Variants in SLC4A4 observed in about 807,000 individuals in gnomAD.
SLC4A4 encodes electrogenic sodium bicarbonate cotransporter 1.
In SLC4A4, 27 loss-of-function variants were observed where a neutral mutation model predicts 111.5. The observed-to-expected ratio is 0.24, with a 90% confidence interval of 0.18 to 0.33. SLC4A4 has a LOEUF of 0.33. Among genes scored for constraint, SLC4A4 ranks in the 10% least tolerant of loss-of-function variants. SLC4A4 has a pLI of 1.00. For missense variants in SLC4A4, 909 were observed against 1,315.5 expected (o/e 0.69, Z 4.78); for synonymous variants, 443 against 463.4 (o/e 0.96, Z 0.57).
At chr4:71,220,575 T>C (rs1403870897) in intron 1 of SLC4A4, among the ~76,000 whole-genome samples, 1 of 152,182 alleles carries the variant, frequency 6.6e-6, no homozygotes. Flanking sequence ...GCTTTCTTGA[T>C]TGTCTCAAAA....
At chr4:71,437,646 C>A in intron 7 of SLC4A4, 1 of 506,620 alleles carries the variant, frequency 2.0e-6, no homozygotes. Context: ...GTTTATCACC[C>A]AAACCTTTTA....
chr4:71,242,638 T>C (rs1445628646), intron 2 of SLC4A4, among the ~76,000 whole-genome samples: 2 of 152,068 alleles, frequency 1.3e-5, no homozygotes, highest in African/African-American at 2.4e-5. Flanking sequence ...TTCTTTCTGA[T>C]GGATACAGCC....
chr4:71,083,604 A>G (rs1742055736), intron 1 of SLC4A4, among the ~76,000 whole-genome samples: 1 of 151,986 alleles, frequency 6.6e-6, no homozygotes, highest in Non-Finnish European at 1.5e-5. Context: ...CAGACTCCAA[A>G]GTTATGAGCC....
At chr4:71,428,930 T>C (rs1723393377) in intron 7 of SLC4A4, among the ~76,000 whole-genome samples, 1 of 152,102 alleles carries the variant, frequency 6.6e-6, no homozygotes, top group African/African-American at 2.4e-5. Context: ...TTGAAGAGCC[T>C]ACAGGATAAC....
intron 3 of SLC4A4, among the ~76,000 whole-genome samples, chr4:71,307,095 T>C (rs527836966): frequency 6.6e-6 from 1 of 152,350 alleles, no homozygotes; most frequent in South Asian, 2.1e-4. Flanking sequence ...AGTTGTAAAC[T>C]GTTTCAGTAA....
intron 13 of SLC4A4, among the ~76,000 whole-genome samples, chr4:71,469,564 TTTC>T (rs1428921247): frequency 6.6e-6 from 1 of 151,978 alleles, no homozygotes; most frequent in Non-Finnish European, 1.5e-5. Flanking sequence ...TTCACCATAA[TTTC>T]TTCTTTGATC....
At chr4:71,107,870 AT>A (rs35494283) in intron 2 of SLC4A4, among the ~76,000 whole-genome samples, 133,397 of 151,964 alleles carry the variant, frequency 0.88, 60,182 homozygotes, top group South Asian at 0.98. Flanking sequence ...ACCATGTCTA[AT>A]TTTTAATTTT....
rs151178899 is a variant in SLC4A4, at chr4:71,569,903, G to T, written c.*2152G>T. 4.6e-3 allele frequency: 694 copies of T among 151,718 alleles called. 7 individuals carry two copies. The highest frequency in any genetic ancestry group is 0.016 in the African/African-American group (653 of 41,452). The allele number at this position is 151,718 out of a possible 1,614,324, so 9.4% of individuals were successfully genotyped here. Reference sequence around the variant, plus strand: ...TAATAGTGGTGAATTATATGTTATTGTGTTAAAACCTCACTTGCCAAATTC... The same window carrying T: ...TAATAGTGGTGAATTATATGTTATTTTGTTAAAACCTCACTTGCCAAATTC... On this transcript the variant is annotated 3_prime_UTR_variant, in exon 26 of 26. Coordinates refer to ENST00000264485, the MANE Select transcript of SLC4A4 (RefSeq NM_001098484.3).
At chr4:71,096,601 A>C (rs1323794227) in intron 2 of SLC4A4, among the ~76,000 whole-genome samples, 14 of 152,220 alleles carry the variant, frequency 9.2e-5, no homozygotes. Flanking sequence ...AAAACATCAC[A>C]TTTTAAATAA....
At chr4:71,272,745 G>T (rs1722786571) in intron 3 of SLC4A4, among the ~76,000 whole-genome samples, 1 of 152,078 alleles carries the variant, frequency 6.6e-6, no homozygotes, top group African/African-American at 2.4e-5. Flanking sequence ...CAAAGATGCT[G>T]TTCCTGATGA....
intron 2 of SLC4A4, among the ~76,000 whole-genome samples, chr4:71,106,962 C>G (rs1313928418): frequency 3.4e-5 from 5 of 148,336 alleles, no homozygotes; most frequent in African/African-American, 1.3e-4. Context: ...AAAAAAAAGT[C>G]TGTAAAGAGA....
At chr4:71,187,223 C>A (rs1401687466), upstream of SLC4A4, 2 of 152,048 alleles carry the variant, frequency 1.3e-5, no homozygotes, top group Non-Finnish European at 2.9e-5. Flanking sequence ...GGGCTCGCGC[C>A]TCCAGGGATT....
intron 2 of SLC4A4, among the ~76,000 whole-genome samples, chr4:71,122,139 G>A (rs576523727): frequency 4.9e-4 from 74 of 151,708 alleles, no homozygotes; most frequent in Non-Finnish European, 8.2e-4. Flanking sequence ...CACCACGAGC[G>A]TCCGTGGCTG....
chr4:71,203,837 A>T (rs1045357816), intron 1 of SLC4A4, among the ~76,000 whole-genome samples: 3 of 152,218 alleles, frequency 2.0e-5, no homozygotes, highest in African/African-American at 7.2e-5. Context: ...GTTTGCTTAA[A>T]TGATAACTAG....
chr4:71,094,648 A>T (rs1431289942), intron 2 of SLC4A4, among the ~76,000 whole-genome samples: 3 of 152,216 alleles, frequency 2.0e-5, no homozygotes, highest in Non-Finnish European at 2.9e-5. Context: ...TGTTAACAGG[A>T]AATATTAGCC....
At chr4:71,169,026 T>A (rs1441085054) in intron 2 of SLC4A4, among the ~76,000 whole-genome samples, 1 of 152,036 alleles carries the variant, frequency 6.6e-6, no homozygotes, top group East Asian at 1.9e-4. Flanking sequence ...TTTATTTATA[T>A]TTATTTTTTG....
At chr4:71,330,434 T>A (rs923303039) in intron 3 of SLC4A4, among the ~76,000 whole-genome samples, 2 of 152,182 alleles carry the variant, frequency 1.3e-5, no homozygotes, top group East Asian at 1.9e-4. Context: ...ATACCACACA[T>A]CTACAACTAT....
At chr4:71,189,904 A>T (rs1012659162) in intron 1 of SLC4A4, among the ~76,000 whole-genome samples, 1 of 152,244 alleles carries the variant, frequency 6.6e-6, no homozygotes, top group African/African-American at 2.4e-5. Context: ...TCTAATGATG[A>T]TTAACATTTC....
intron 3 of SLC4A4, among the ~76,000 whole-genome samples, chr4:71,320,587 CTACTT>C (rs938708947): frequency 4.6e-5 from 7 of 152,120 alleles, no homozygotes; most frequent in African/African-American, 1.7e-4. Flanking sequence ...TGCGTAATCT[CTACTT>C]TACAAGGTTG....
Sources: allele counts gnomAD v4.1 joint callset (sites outside exome capture counted in the v4.1 genomes callset), GRCh38; gene constraint gnomAD v4.1.1; transcripts MANE v1.5; gene names NCBI Gene and HGNC (gene_info 2026-07-23, HGNC 2026-07-21).